SPIRE1: variants seen among roughly 807,000 people sequenced by gnomAD.
SPIRE1 encodes spire type actin nucleation factor 1, also known as protein spire homolog 1.
Under a neutral mutation model 94.1 loss-of-function variants are expected in SPIRE1, and 40 were observed. That is an observed-to-expected ratio of 0.43 (90% CI 0.33 to 0.55). The LOEUF is 0.55. Ranked by LOEUF, SPIRE1 falls within the 20% of genes least tolerant of loss-of-function variation. The pLI is 0.06. For missense variants in SPIRE1, 838 were observed against 975.2 expected (o/e 0.86, Z 1.87); for synonymous variants, 376 against 371.7 (o/e 1.01, Z -0.13).
chr18:12,608,453 G>T (rs1290982597), intron 2 of SPIRE1, among the ~76,000 whole-genome samples: 1 of 152,032 alleles, frequency 6.6e-6, no homozygotes, highest in Non-Finnish European at 1.5e-5. Context: ...AGACATTTAG[G>T]TAGATTCCAC....
At chr18:12,482,549 T>G (rs942929175) in intron 9 of SPIRE1, among the ~76,000 whole-genome samples, 2 of 152,190 alleles carry the variant, frequency 1.3e-5, no homozygotes, top group African/African-American at 4.8e-5. Flanking sequence ...TTAAGAAATG[T>G]TTAAAGTTGT....
At chr18:12,564,721 T>C (rs1334190707) in intron 2 of SPIRE1, among the ~76,000 whole-genome samples, 1 of 151,942 alleles carries the variant, frequency 6.6e-6, no homozygotes, top group Non-Finnish European at 1.5e-5. Context: ...AAAAATTGAA[T>C]GGTAACTGAC....
chr18:12,487,561 A>AT (rs2033083427), intron 8 of SPIRE1, among the ~76,000 whole-genome samples: 1 of 151,810 alleles, frequency 6.6e-6, no homozygotes, highest in Non-Finnish European at 1.5e-5. Context: ...GGCCCAGCTA[A>AT]TTTTTGTATT....
chr18:12,506,988 T>C (rs2033856327), intron 5 of SPIRE1, among the ~76,000 whole-genome samples: 1 of 152,226 alleles, frequency 6.6e-6, no homozygotes, highest in South Asian at 2.1e-4. Context: ...GGTTTGGCTA[T>C]ATGATTTGCT....
At chr18:12,508,872 G>T (rs1390879164) in intron 5 of SPIRE1, among the ~76,000 whole-genome samples, 1 of 152,008 alleles carries the variant, frequency 6.6e-6, no homozygotes, top group Admixed American at 6.6e-5. Flanking sequence ...CACAGGTTTC[G>T]TCATGTTGGC....
chr18:12,572,247 G>A (rs2035975954), intron 2 of SPIRE1, among the ~76,000 whole-genome samples: 1 of 152,182 alleles, frequency 6.6e-6, no homozygotes, highest in Non-Finnish European at 1.5e-5. Flanking sequence ...AAGGATATGG[G>A]TCTTTATCAA....
intron 2 of SPIRE1, among the ~76,000 whole-genome samples, chr18:12,586,021 G>A (rs1010411953): frequency 3.9e-5 from 6 of 152,210 alleles, no homozygotes; most frequent in African/African-American, 1.4e-4. Flanking sequence ...CACAATCATA[G>A]CTCACTTTAA....
chr18:12,635,569 T>C (rs545923326), intron 1 of SPIRE1, among the ~76,000 whole-genome samples: 7 of 152,336 alleles, frequency 4.6e-5, no homozygotes, highest in South Asian at 4.1e-4. Context: ...ATATGCTGAC[T>C]GTTTTTCTTT....
intron 2 of SPIRE1, among the ~76,000 whole-genome samples, chr18:12,585,045 C>A (rs1279997901): frequency 6.6e-6 from 1 of 152,136 alleles, no homozygotes; most frequent in Non-Finnish European, 1.5e-5. Flanking sequence ...ACCTCGTGAT[C>A]CGCCCACCTC....
intron 2 of SPIRE1, among the ~76,000 whole-genome samples, chr18:12,549,439 G>GTTTTTTTTTTTTTTTTTTTTTT (rs869122444): frequency 3.6e-4 from 15 of 41,264 alleles, no homozygotes; most frequent in Admixed American, 7.9e-4. Context: ...TGTTATTGTT[G>GTTTTTTTTTTTTTTTTTTTTTT]TTTTTTTTTT....
intron 10 of SPIRE1, among the ~76,000 whole-genome samples, chr18:12,467,232 C>A (rs568472284): frequency 6.6e-6 from 1 of 152,176 alleles, no homozygotes; most frequent in African/African-American, 2.4e-5. Flanking sequence ...GAGCCAGGAT[C>A]GTGCCACTGC....
intron 2 of SPIRE1, among the ~76,000 whole-genome samples, chr18:12,574,579 G>C (rs1439973279): frequency 6.6e-6 from 1 of 152,206 alleles, no homozygotes; most frequent in Non-Finnish European, 1.5e-5. Context: ...AAATACCTGT[G>C]GGAAATATAA....
At chr18:12,588,795 A>G (rs1310781168) in intron 2 of SPIRE1, among the ~76,000 whole-genome samples, 1 of 152,122 alleles carries the variant, frequency 6.6e-6, no homozygotes, top group Non-Finnish European at 1.5e-5. Context: ...TTTTAACTTC[A>G]GGGTTCTTTT....
chr18:12,488,121 C>T (rs1383985837), intron 8 of SPIRE1, among the ~76,000 whole-genome samples: 1 of 152,248 alleles, frequency 6.6e-6, no homozygotes, highest in Admixed American at 6.5e-5. Flanking sequence ...TTCCCATATT[C>T]TCCAAAACTG....
chr18:12,454,513 G>T (rs1406544604), intron 12 of SPIRE1, 30 bp from the exon 13 acceptor site: 2 of 1,611,594 alleles, frequency 1.2e-6, no homozygotes, highest in African/African-American at 1.3e-5. Flanking sequence ...GTGAATAAGA[G>T]ATTCCTACCC....
intron 10 of SPIRE1, among the ~76,000 whole-genome samples, chr18:12,476,242 C>T (rs1392865997): frequency 2.0e-5 from 3 of 151,964 alleles, no homozygotes; most frequent in Non-Finnish European, 4.4e-5. Flanking sequence ...CATATGAATA[C>T]ATTTAGAAGT....
chr18:12,618,165 G>C (rs935856390), intron 2 of SPIRE1, among the ~76,000 whole-genome samples: 2 of 151,866 alleles, frequency 1.3e-5, no homozygotes, highest in Non-Finnish European at 1.5e-5. Flanking sequence ...GCAGTGGTGC[G>C]ATCTCGGCTC....
Position 12,512,510 on chromosome 18 carries a change from T to C in SPIRE1, c.751A>G (p.Met251Val), listed in dbSNP as rs550436527. ...GTGCTAGATTCATCGCTCTTTTCCA[T>C]TTCTTGAATCTTCTTAAGATTCTAC... ...AKENLKKIQE[M>V]EKSDESSTDL... The change falls in exon 5 of 17, where the codon ATG becomes GTG. Residue 251 changes from methionine to valine, a missense_variant. Coordinates refer to ENST00000409402, the MANE Select transcript of SPIRE1 (RefSeq NM_001128626.2). 4 of 1,611,064 alleles carry C rather than the reference T, an allele frequency of 2.5e-6. No homozygotes were observed. In the South Asian group the frequency reaches 4.4e-5, roughly 18 times the overall value.
intron 2 of SPIRE1, among the ~76,000 whole-genome samples, chr18:12,629,758 T>C (rs971299674): frequency 1.1e-4 from 17 of 152,192 alleles, no homozygotes; most frequent in Non-Finnish European, 1.8e-4. Context: ...TTACTGTATG[T>C]AAATTATACT....
Sources: allele counts gnomAD v4.1 joint callset (sites outside exome capture counted in the v4.1 genomes callset), GRCh38; gene constraint gnomAD v4.1.1; transcripts MANE v1.5; gene names NCBI Gene and HGNC (gene_info 2026-07-23, HGNC 2026-07-21).